The following WWOX variants were observed in gnomAD, a reference collection of about 807,000 sequenced individuals.
The protein encoded by WWOX is WW domain-containing oxidoreductase.
In WWOX, 69 loss-of-function variants were observed where a neutral mutation model predicts 46.2. The ratio of observed to expected loss-of-function variants is 1.49; its 90% CI spans 1.23 to 1.82. The LOEUF (loss-of-function observed/expected upper bound fraction) is 1.82, where lower values mean the gene tolerates loss of function less well. WWOX is among the 40% of genes most tolerant of loss of function. WWOX has a pLI of 0.00. For missense variants in WWOX, 919 were observed against 542.6 expected (o/e 1.69, Z -6.89); for synonymous variants, 359 against 202.6 (o/e 1.77, Z -6.56).
chr16:78,457,355 TCAAAGTAATGA>T (rs1377704483), intron 8 of WWOX, among the ~76,000 whole-genome samples: 1 of 152,200 alleles, frequency 6.6e-6, no homozygotes, highest in Admixed American at 6.5e-5. Context: ...CTTGGTTCCT[TCAAAGTAATGA>T]CTAAGTACAG....
chr16:78,236,315 T>A (rs766144288), intron 5 of WWOX, among the ~76,000 whole-genome samples: 3 of 152,234 alleles, frequency 2.0e-5, no homozygotes, highest in Non-Finnish European at 4.4e-5. Context: ...GGCCTCCTTA[T>A]ACATACTTAC....
chr16:79,140,257 C>T (rs2050064178), intron 8 of WWOX, among the ~76,000 whole-genome samples: 1 of 152,214 alleles, frequency 6.6e-6, no homozygotes, highest in South Asian at 2.1e-4. Context: ...GAAATGCACG[C>T]TCTGAGCAGT....
intron 5 of WWOX, among the ~76,000 whole-genome samples, chr16:78,342,915 T>G (rs1367273780): frequency 8.3e-6 from 1 of 120,860 alleles, no homozygotes; most frequent in Non-Finnish European, 2.0e-5. Context: ...TTCATGAAAC[T>G]GAAGCATCTT....
intron 8 of WWOX, chr16:79,101,874 G>C (rs1441826534): frequency 6.6e-6 from 1 of 151,446 alleles, no homozygotes; most frequent in Non-Finnish European, 1.5e-5. Context: ...CAGCGTTTTG[G>C]AGAGAGTGGA....
At chr16:78,541,286 A>T (rs1284064928) in intron 8 of WWOX, among the ~76,000 whole-genome samples, 1 of 151,238 alleles carries the variant, frequency 6.6e-6, no homozygotes, top group Admixed American at 6.6e-5. Flanking sequence ...CATCCCGGCT[A>T]AAACGGTGAA....
At chr16:78,219,363 G>T (rs1223110974) in intron 5 of WWOX, among the ~76,000 whole-genome samples, 1 of 152,176 alleles carries the variant, frequency 6.6e-6, no homozygotes, top group Non-Finnish European at 1.5e-5. Context: ...AAAGTCGTAG[G>T]TTATGAGTTT....
intron 8 of WWOX, among the ~76,000 whole-genome samples, chr16:79,039,148 G>T (rs2047923871): frequency 6.6e-6 from 1 of 152,094 alleles, no homozygotes; most frequent in Non-Finnish European, 1.5e-5. Context: ...TTGTAGCTGG[G>T]GAATTCTTTT....
intron 8 of WWOX, among the ~76,000 whole-genome samples, chr16:79,155,837 G>T (rs2050370875): frequency 6.6e-6 from 1 of 151,920 alleles, no homozygotes; most frequent in South Asian, 2.1e-4. Context: ...ATGGTGTCAG[G>T]TTTATAGAGG....
At chr16:78,907,840 C>T (rs3898101) in intron 8 of WWOX, among the ~76,000 whole-genome samples, 10 of 152,082 alleles carry the variant, frequency 6.6e-5, no homozygotes, top group African/African-American at 1.7e-4. Flanking sequence ...TCACCAGCCC[C>T]GCAAAGACGA....
chr16:79,159,755 A>G (rs1327492125), intron 8 of WWOX, among the ~76,000 whole-genome samples: 1 of 152,254 alleles, frequency 6.6e-6, no homozygotes, highest in East Asian at 1.9e-4. Flanking sequence ...AAATTTACTC[A>G]GTCGAGAAAA....
chr16:78,903,845 A>T (rs141949405), intron 8 of WWOX, among the ~76,000 whole-genome samples: 1 of 152,202 alleles, frequency 6.6e-6, no homozygotes, highest in Non-Finnish European at 1.5e-5. Flanking sequence ...GGAACATTCT[A>T]TTTAGTTCTC....
chr16:78,618,653 C>G (rs543576952), intron 8 of WWOX, among the ~76,000 whole-genome samples: 1 of 152,082 alleles, frequency 6.6e-6, no homozygotes, highest in East Asian at 1.9e-4. Flanking sequence ...TCATAAGAGA[C>G]CTCTTCTCAA....
intron 1 of WWOX, among the ~76,000 whole-genome samples, chr16:78,102,663 C>G (rs1361496253): frequency 6.6e-6 from 1 of 152,196 alleles, no homozygotes; most frequent in Non-Finnish European, 1.5e-5. Context: ...GGTGTCCCCT[C>G]GACCTTGTAC....
chr16:78,436,846 C>G lies in WWOX; in HGVS notation c.1056+4094C>G, dbSNP rs535654161. On this transcript the variant is annotated intron_variant, in intron 8 of 8. Coordinates refer to ENST00000566780, the MANE Select transcript of WWOX (RefSeq NM_016373.4). ...GTATGTGGCTCGGCATTGCTTCCGT[C>G]AGGATAATGCATCAGTTTCTTGGAC... Among the ~76,000 whole-genome samples the G allele has an allele frequency of 2.6e-5, 4 of 152,336 alleles. No individual in the cohort carries two copies. In the East Asian group the frequency reaches 7.7e-4, roughly 29 times the overall value.
chr16:78,940,400 G>A (rs908080295), intron 8 of WWOX, among the ~76,000 whole-genome samples: 1 of 152,164 alleles, frequency 6.6e-6, no homozygotes, highest in African/African-American at 2.4e-5. Context: ...TTAGCTCAGT[G>A]TTTCTCTACC....
At chr16:78,440,308 G>C (rs1018555711) in intron 8 of WWOX, among the ~76,000 whole-genome samples, 1 of 152,078 alleles carries the variant, frequency 6.6e-6, no homozygotes, top group African/African-American at 2.4e-5. Flanking sequence ...GCCACTTCTG[G>C]CTCCATGCTC....
At chr16:78,245,913 G>A (rs1282064655) in intron 5 of WWOX, among the ~76,000 whole-genome samples, 1 of 152,158 alleles carries the variant, frequency 6.6e-6, no homozygotes, top group Non-Finnish European at 1.5e-5. Context: ...GGAGAACAAA[G>A]AGGGGGAATT....
chr16:78,540,073 T>G (rs1212148739), intron 8 of WWOX, among the ~76,000 whole-genome samples: 1 of 147,412 alleles, frequency 6.8e-6, no homozygotes, highest in Non-Finnish European at 1.5e-5. Context: ...CAATATAAAC[T>G]GTAGAGTTAA....
At chr16:79,013,447 G>C (rs2550726) in intron 8 of WWOX, among the ~76,000 whole-genome samples, 152,057 of 152,248 alleles carry the variant, frequency 1, 75,933 homozygotes, top group Middle Eastern at 1. Context: ...TCCCTTCTTT[G>C]TTTCTCTTTT....
Sources: gnomAD v4.1 joint callset for allele counts (sites outside exome capture counted in the v4.1 genomes callset) on GRCh38, gnomAD v4.1.1 for gene constraint, MANE v1.5 for transcripts, NCBI Gene and HGNC (gene_info 2026-07-23, HGNC 2026-07-21) for gene names.